The following SCFD2 variants were observed in gnomAD, a reference collection of about 807,000 sequenced individuals.
SCFD2 encodes the protein sec1 family domain-containing protein 2.
Under a neutral mutation model 58.9 loss-of-function variants are expected in SCFD2, and 54 were observed. The observed-to-expected ratio is 0.92, with a 90% CI of 0.74 to 1.15. The LOEUF (loss-of-function observed/expected upper bound fraction) is 1.15. SCFD2 is among the 50% of genes most tolerant of loss of function. SCFD2 has a pLI of 0.00. For missense variants in SCFD2, 805 were observed against 836.6 expected (o/e 0.96, Z 0.47); for synonymous variants, 321 against 335.9 (o/e 0.96, Z 0.49).
intron 6 of SCFD2, among the ~76,000 whole-genome samples, chr4:52,915,500 A>C (rs1719580411): frequency 6.6e-6 from 1 of 152,340 alleles, no homozygotes; most frequent in South Asian, 2.1e-4. Flanking sequence ...TTTTTGCTAT[A>C]AGATGACTGT....
chr4:53,066,331 G>A (rs1253327083), intron 5 of SCFD2, among the ~76,000 whole-genome samples: 4 of 152,104 alleles, frequency 2.6e-5, no homozygotes, highest in Non-Finnish European at 5.9e-5. Context: ...GTAAATTTGA[G>A]AGCCTGACCT....
intron 5 of SCFD2, among the ~76,000 whole-genome samples, chr4:52,951,718 A>G (rs925374795): frequency 6.6e-6 from 1 of 152,096 alleles, no homozygotes; most frequent in Non-Finnish European, 1.5e-5. Flanking sequence ...TTTCCCCACC[A>G]TAGTTTCTGT....
chr4:52,970,507 C>A (rs1387169367), intron 5 of SCFD2, among the ~76,000 whole-genome samples: 5 of 152,154 alleles, frequency 3.3e-5, no homozygotes, highest in East Asian at 3.9e-4. Flanking sequence ...AGTAGGTAAA[C>A]AAAGCTGCCA....
intron 4 of SCFD2, among the ~76,000 whole-genome samples, chr4:53,222,573 G>A (rs1176902383): frequency 4.6e-5 from 7 of 152,010 alleles, no homozygotes; most frequent in South Asian, 2.1e-4. Context: ...AAAACAAGAC[G>A]GGACTTCAAC....
At chr4:53,178,224 A>C (rs2148944194) in intron 4 of SCFD2, among the ~76,000 whole-genome samples, 1 of 152,314 alleles carries the variant, frequency 6.6e-6, no homozygotes, top group South Asian at 2.1e-4. Flanking sequence ...CTGACCCCCG[A>C]GTAGCCTAAC....
intron 5 of SCFD2, among the ~76,000 whole-genome samples, chr4:52,927,871 T>A (rs1358519602): frequency 1.3e-5 from 2 of 152,216 alleles, no homozygotes; most frequent in African/African-American, 4.8e-5. Flanking sequence ...AATACATAAA[T>A]TATATCTATT....
chr4:53,266,396 A>G (rs1730984906), intron 4 of SCFD2, among the ~76,000 whole-genome samples: 1 of 152,216 alleles, frequency 6.6e-6, no homozygotes, highest in Non-Finnish European at 1.5e-5. Flanking sequence ...TATGAGGTAG[A>G]TAATTTATTC....
At chr4:52,968,633 G>A (rs1021817831) in intron 5 of SCFD2, among the ~76,000 whole-genome samples, 1 of 152,260 alleles carries the variant, frequency 6.6e-6, no homozygotes, top group Non-Finnish European at 1.5e-5. Context: ...CCACAGGGAA[G>A]TGGGTGTGAC....
intron 6 of SCFD2, among the ~76,000 whole-genome samples, chr4:52,914,641 C>T (rs1229030665): frequency 6.6e-6 from 1 of 152,168 alleles, no homozygotes; most frequent in Non-Finnish European, 1.5e-5. Flanking sequence ...TACAAACATA[C>T]AGTGCCTTGG....
chr4:52,876,291 G>A (rs563647701), intron 8 of SCFD2, among the ~76,000 whole-genome samples: 1 of 152,310 alleles, frequency 6.6e-6, no homozygotes, highest in South Asian at 2.1e-4. Context: ...GCAACTGTGA[G>A]CTGCTGTATT....
At position 53,195,320 on chromosome 4, in the gene SCFD2, C is replaced by A. The variant is rs149574318; in HGVS notation, c.1312-49738G>T. Among the ~76,000 whole-genome samples the A allele has an allele frequency of 2.8e-3, 423 of 152,238 alleles. 1 individual carries two copies. Among genetic ancestry groups the A allele is most frequent in the African/African-American group, 9.7e-3 (402 of 41,550 alleles). ...TATGTTATCGGTCAGAGACAACTTCCCCGATTTTTTTATGTTGGACCTAAT... is the reference window on the plus strand; with the variant it reads ...TATGTTATCGGTCAGAGACAACTTCACCGATTTTTTTATGTTGGACCTAAT... On this transcript the variant is annotated intron_variant, in intron 4 of 8. Coordinates refer to ENST00000401642, the MANE Select transcript of SCFD2 (RefSeq NM_152540.4).
At chr4:52,902,495 C>A (rs988103339) in intron 7 of SCFD2, among the ~76,000 whole-genome samples, 3 of 152,292 alleles carry the variant, frequency 2.0e-5, no homozygotes, top group East Asian at 3.9e-4. Context: ...CTATTTAATT[C>A]ACTTATTCAC....
intron 2 of SCFD2, among the ~76,000 whole-genome samples, chr4:53,327,600 G>C (rs766055255): frequency 2.6e-5 from 4 of 152,152 alleles, no homozygotes; most frequent in Non-Finnish European, 4.4e-5. Flanking sequence ...TTGGAGACCA[G>C]GAGTGATGGA....
chr4:53,289,476 T>C (rs113595857), intron 3 of SCFD2, among the ~76,000 whole-genome samples: 1 of 151,730 alleles, frequency 6.6e-6, no homozygotes, highest in Non-Finnish European at 1.5e-5. Context: ...CTATGGCAGA[T>C]ACACAAATGA....
intron 3 of SCFD2, among the ~76,000 whole-genome samples, chr4:53,291,615 A>G (rs1042764405): frequency 1.6e-4 from 23 of 147,404 alleles, no homozygotes; most frequent in African/African-American, 5.5e-4. Context: ...ACAGAATTAG[A>G]AAAAAAAAAA....
At chr4:53,220,280 C>T (rs1199045169) in intron 4 of SCFD2, among the ~76,000 whole-genome samples, 1 of 152,190 alleles carries the variant, frequency 6.6e-6, no homozygotes, top group Non-Finnish European at 1.5e-5. Context: ...TATAGAAAAC[C>T]TGATCAGTTT....
At chr4:52,972,446 C>G (rs1258890802) in intron 5 of SCFD2, among the ~76,000 whole-genome samples, 1 of 152,142 alleles carries the variant, frequency 6.6e-6, no homozygotes, top group Non-Finnish European at 1.5e-5. Flanking sequence ...GTAAAGGGAT[C>G]AATGCAACAA....
chr4:52,916,443 G>A lies in SCFD2; in HGVS notation c.1707+4282C>T, dbSNP rs778160510. On this transcript the variant is annotated intron_variant, in intron 6 of 8. Coordinates refer to ENST00000401642, the MANE Select transcript of SCFD2 (RefSeq NM_152540.4). Reference sequence around the variant, plus strand: ...AAACAATGTAGCTGGGCATGATGGCGCGCGCCTGTAGTCCCAGCTATTTGG... The same window carrying A: ...AAACAATGTAGCTGGGCATGATGGCACGCGCCTGTAGTCCCAGCTATTTGG... 7.2e-5 allele frequency among the ~76,000 whole-genome samples: 11 copies of A among 152,296 alleles called. No homozygotes were observed. In the South Asian group the frequency reaches 1.7e-3, roughly 23 times the overall value.
At chr4:53,247,882 A>AAT (rs1730158493) in intron 4 of SCFD2, among the ~76,000 whole-genome samples, 2 of 151,348 alleles carry the variant, frequency 1.3e-5, no homozygotes, top group South Asian at 2.1e-4. Flanking sequence ...AAAAAAAAAA[A>AAT]AAAAAAAAAA....
Sources: allele counts gnomAD v4.1 joint callset (sites outside exome capture counted in the v4.1 genomes callset), GRCh38; gene constraint gnomAD v4.1.1; transcripts MANE v1.5; gene names NCBI Gene and HGNC (gene_info 2026-07-23, HGNC 2026-07-21).